Variants in GBF1 observed in about 807,000 individuals in gnomAD.
GBF1 encodes the protein Golgi-specific brefeldin A-resistance guanine nucleotide exchange factor 1.
In GBF1, 114 loss-of-function variants were observed where a neutral mutation model predicts 210.5. The ratio of observed to expected loss-of-function variants is 0.54; its 90% confidence interval spans 0.47 to 0.63. The LOEUF (loss-of-function observed/expected upper bound fraction) is 0.63. Ranked by LOEUF, GBF1 falls within the 30% of genes least tolerant of loss-of-function variation. The probability of loss-of-function intolerance (pLI) is 0.00; values close to 1 mark genes in which losing one functional copy is unlikely to be tolerated. For synonymous variants in GBF1, 850 were observed against 889.2 expected (o/e 0.96, Z 0.78); for missense variants, 1,851 against 2,357.7 (o/e 0.79, Z 4.45).
Position 102,369,728 on chromosome 10 carries a change from T to A in GBF1, c.3168T>A (p.Asp1056Glu). 1 of 1,614,048 alleles carries A rather than the reference T, an allele frequency of 6.2e-7. No individual in the cohort carries two copies. The highest frequency in any genetic ancestry group is 2.2e-5 in the East Asian group (1 of 44,878). ...TTTTCCAGGTAGAAGATTTCGTGGATCCCAATGGCAAGATCTCTCTACAGC... is the reference window on the plus strand; with the variant it reads ...TTTTCCAGGTAGAAGATTTCGTGGAACCCAATGGCAAGATCTCTCTACAGC... Reference protein sequence around the residue: ...KAMIEVEDFVDPNGKISLQRE... With the variant: ...KAMIEVEDFVEPNGKISLQRE... The change falls in exon 25 of 40, where the codon GAT becomes GAA. Residue 1056 changes from aspartate (D) to glutamate (E), a missense_variant. Asp to Glu is a conservative substitution (Grantham distance 45). Coordinates refer to ENST00000369983, the MANE Select transcript of GBF1 (RefSeq NM_001377137.1).
chr10:102,361,093 G>A lies in GBF1; in HGVS notation c.1464G>A (p.Met488Ile), dbSNP rs1417325464. ...TATGCTTCCTACTGTTTGAGAGCAT[G>A]CGAGAGCACCTCAAGTTCCAAATGG... ...LRVCFLLFES[M>I]REHLKFQMEM... The change falls in exon 13 of 40, where the codon ATG becomes ATA. Residue 488 changes from methionine (M) to isoleucine (I), a missense_variant. Met to Ile is a conservative substitution (Grantham distance 10, BLOSUM62 1). Coordinates refer to ENST00000369983, the MANE Select transcript of GBF1 (RefSeq NM_001377137.1). 3.8e-6 allele frequency: 6 copies of A among 1,599,872 alleles called. No individual in the cohort carries two copies. In the South Asian group the frequency reaches 6.6e-5, roughly 18 times the overall value.
chr10:102,331,830 G>A (rs557297742), intron 3 of GBF1, among the ~76,000 whole-genome samples: 6 of 145,912 alleles, frequency 4.1e-5, no homozygotes, highest in East Asian at 3.9e-4. Flanking sequence ...GACTACAGGC[G>A]CACGCCACCA....
At chr10:102,270,298 T>C (rs546711295) in intron 3 of GBF1, among the ~76,000 whole-genome samples, 2 of 152,112 alleles carry the variant, frequency 1.3e-5, no homozygotes, top group African/African-American at 4.8e-5. Flanking sequence ...GCCTTCTGAG[T>C]AGCTGGGATT....
rs1272679472 is a variant in GBF1 at position 102,279,090 on chromosome 10, T to C, written c.163+18974T>C. 3.3e-5 allele frequency among the ~76,000 whole-genome samples: 5 copies of C among 152,374 alleles called. No homozygotes were observed. In the South Asian group the frequency reaches 1.0e-3, roughly 32 times the overall value. Reference sequence around the variant, plus strand: ...GTTGCTTAAAATACTTGTTCTTAGGTGGACACAAACTGTCTTTCTAGCTTG... The same window carrying C: ...GTTGCTTAAAATACTTGTTCTTAGGCGGACACAAACTGTCTTTCTAGCTTG... On this transcript the variant is annotated intron_variant, in intron 3 of 39. Transcript: ENST00000369983.
chr10:102,325,003 C>T (rs1042080102), intron 3 of GBF1, among the ~76,000 whole-genome samples: 1 of 152,074 alleles, frequency 6.6e-6, no homozygotes, highest in South Asian at 2.1e-4. Context: ...CAATGCATAC[C>T]CTCTCCACAG....
chr10:102,294,322 T>G (rs1353298585), intron 3 of GBF1, among the ~76,000 whole-genome samples: 2 of 152,084 alleles, frequency 1.3e-5, no homozygotes, highest in East Asian at 3.9e-4. Context: ...CAACTTCCAG[T>G]CCTGCAGGGT....
intron 3 of GBF1, among the ~76,000 whole-genome samples, chr10:102,325,791 A>G (rs1363385926): frequency 6.6e-6 from 1 of 152,078 alleles, no homozygotes; most frequent in Non-Finnish European, 1.5e-5. Flanking sequence ...GTGGGATTAC[A>G]GGCACATGCC....
At chr10:102,232,028 A>G in the GBF1 span, 2 of 1,608,432 alleles carry the variant, frequency 1.2e-6, no homozygotes, top group Non-Finnish European at 1.7e-6. Context: ...AGCGTCTGAC[A>G]GCGACAGGGC....
intron 3 of GBF1, among the ~76,000 whole-genome samples, chr10:102,324,618 G>C (rs1336068596): frequency 6.6e-6 from 1 of 151,898 alleles, no homozygotes; most frequent in Non-Finnish European, 1.5e-5. Flanking sequence ...ACGGAGTTTC[G>C]CTCTGTCACC....
chr10:102,374,311 G>A (rs2060370963), intron 29 of GBF1, among the ~76,000 whole-genome samples: 1 of 151,724 alleles, frequency 6.6e-6, no homozygotes, highest in Non-Finnish European at 1.5e-5. Context: ...GATCCTGCCT[G>A]CACTCTAGCC....
chr10:102,264,555 T>A (rs187546163), intron 3 of GBF1, among the ~76,000 whole-genome samples: 28 of 152,088 alleles, frequency 1.8e-4, no homozygotes, highest in Admixed American at 7.2e-4. Flanking sequence ...CTCTTTCCCC[T>A]CCCCCCACGG....
chr10:102,376,888 A>T (rs753544165), intron 32 of GBF1, 47 bp from the exon 33 acceptor site: 1 of 1,600,318 alleles, frequency 6.2e-7, no homozygotes, highest in South Asian at 1.1e-5. Context: ...CAGGGTATCT[A>T]TGCCTATATA....
At chr10:102,317,668 C>G (rs1454077973) in intron 3 of GBF1, among the ~76,000 whole-genome samples, 1 of 152,076 alleles carries the variant, frequency 6.6e-6, no homozygotes, top group Non-Finnish European at 1.5e-5. Flanking sequence ...CTCCATAGTC[C>G]AATCACCTAA....
At chr10:102,362,048 T>TTA in intron 14 of GBF1, 136 bp downstream of exon 14, 8 of 390,850 alleles carry the variant, frequency 2.0e-5, no homozygotes, top group Non-Finnish European at 2.3e-5. Context: ...TTCTTTTCTT[T>TTA]TCTTTTTTTT....
chr10:102,337,878 G>T (rs958109819), intron 3 of GBF1, among the ~76,000 whole-genome samples: 3 of 151,710 alleles, frequency 2.0e-5, no homozygotes, highest in Non-Finnish European at 2.9e-5. Flanking sequence ...AAGAAAGAAA[G>T]AAATATCCTT....
At chr10:102,283,758 C>T (rs2075711570) in intron 3 of GBF1, among the ~76,000 whole-genome samples, 1 of 152,134 alleles carries the variant, frequency 6.6e-6, no homozygotes, top group African/African-American at 2.4e-5. Flanking sequence ...AGGGGAAAAA[C>T]GTGGGAGGAT....
chr10:102,260,571 G>A (rs1251367469), intron 3 of GBF1, among the ~76,000 whole-genome samples: 1 of 139,736 alleles, frequency 7.2e-6, no homozygotes, highest in Non-Finnish European at 1.5e-5. Flanking sequence ...TCTGCCTCCT[G>A]GGTTTAAGCC....
chr10:102,339,129 G>A (rs146054200), intron 3 of GBF1, among the ~76,000 whole-genome samples: 1,858 of 152,268 alleles, frequency 0.012, 32 homozygotes, highest in African/African-American at 0.043. Flanking sequence ...TTGGAAGGCC[G>A]AGACGGGTGG....
chr10:102,349,804 A>C (rs993826907), intron 4 of GBF1, among the ~76,000 whole-genome samples: 1 of 152,112 alleles, frequency 6.6e-6, no homozygotes, highest in South Asian at 2.1e-4. Flanking sequence ...TCTCGTGGCT[A>C]TTTAATACAT....
Sources: gnomAD v4.1 joint callset for allele counts (sites outside exome capture counted in the v4.1 genomes callset) on GRCh38, gnomAD v4.1.1 for gene constraint, MANE v1.5 for transcripts, NCBI Gene and HGNC (gene_info 2026-07-23, HGNC 2026-07-21) for gene names.